The following SLC44A5 variants were observed in gnomAD, a reference collection of about 807,000 sequenced individuals.
SLC44A5 encodes solute carrier family 44 member 5, also known as choline transporter-like protein 5.
Under a neutral mutation model 101.8 loss-of-function variants are expected in SLC44A5, and 57 were observed. That is an observed-to-expected ratio of 0.56 (90% CI 0.45 to 0.70). SLC44A5 has a LOEUF of 0.70. Ranked by LOEUF, SLC44A5 falls within the 30% of genes least tolerant of loss-of-function variation. The probability of loss-of-function intolerance (pLI) is 0.00; values close to 1 mark genes in which losing one functional copy is unlikely to be tolerated. For synonymous variants in SLC44A5, 281 were observed against 290.9 expected (o/e 0.97, Z 0.35); for missense variants, 737 against 853.1 (o/e 0.86, Z 1.70).
chr1:75,642,785 T>C, the SLC44A5 span, among the ~76,000 whole-genome samples: 1 of 152,122 alleles, frequency 6.6e-6, no homozygotes, highest in Non-Finnish European at 1.5e-5. Context: ...TAAGTAGTTA[T>C]CAGTTTGGAA....
At chr1:75,283,102 T>C (rs948861992) in intron 5 of SLC44A5, among the ~76,000 whole-genome samples, 3 of 152,170 alleles carry the variant, frequency 2.0e-5, no homozygotes, top group Non-Finnish European at 4.4e-5. Flanking sequence ...ATAGTGGTAG[T>C]ACTAGTTTAC....
chr1:75,457,594 A>T (rs1354234176), intron 2 of SLC44A5, among the ~76,000 whole-genome samples: 1 of 152,168 alleles, frequency 6.6e-6, no homozygotes, highest in Non-Finnish European at 1.5e-5. Context: ...GCAGTGGCTC[A>T]CTCTTGTAAT....
the SLC44A5 span, chr1:75,677,701 A>G: frequency 9.4e-6 from 4 of 425,246 alleles, no homozygotes; most frequent in Admixed American, 2.9e-5. Context: ...TGCATAAAAA[A>G]AACAAGACCC....
the SLC44A5 span, among the ~76,000 whole-genome samples, chr1:75,666,719 C>A: frequency 1.3e-5 from 2 of 152,146 alleles, no homozygotes; most frequent in Non-Finnish European, 2.9e-5. Context: ...AATCCAGCAG[C>A]CCATCAAAAA....
At chr1:75,314,098 ACAGT>A (rs900176667) in intron 4 of SLC44A5, among the ~76,000 whole-genome samples, 1 of 152,188 alleles carries the variant, frequency 6.6e-6, no homozygotes, top group African/African-American at 2.4e-5. Flanking sequence ...AATAATCCTA[ACAGT>A]CAGATACACT....
chr1:75,214,068 C>A, intron 20 of SLC44A5, 79 bp from the exon 21 acceptor site: 1 of 912,674 alleles, frequency 1.1e-6, no homozygotes, highest in Non-Finnish European at 1.7e-6. Flanking sequence ...AGTAAATTTT[C>A]ATGAGTTTAT....
the SLC44A5 span, among the ~76,000 whole-genome samples, chr1:75,657,820 A>G: frequency 6.6e-6 from 1 of 152,098 alleles, no homozygotes; most frequent in African/African-American, 2.4e-5. Context: ...GCAATACAAC[A>G]ATAGTAAAGG....
the SLC44A5 span, chr1:75,641,405 A>G: frequency 3.9e-6 from 4 of 1,023,874 alleles, no homozygotes; most frequent in Admixed American, 6.9e-5. Context: ...TGATTTTTGT[A>G]CATTGCTTTG....
intron 3 of SLC44A5, among the ~76,000 whole-genome samples, chr1:75,387,023 C>A (rs1391939631): frequency 1.3e-5 from 2 of 151,822 alleles, no homozygotes; most frequent in South Asian, 4.1e-4. Flanking sequence ...AAAGCTGAAA[C>A]TGGATCCCTT....
the SLC44A5 span, among the ~76,000 whole-genome samples, chr1:75,682,226 C>T: frequency 2.0e-5 from 3 of 152,106 alleles, no homozygotes; most frequent in Non-Finnish European, 4.4e-5. Context: ...GCTACGAATG[C>T]CTTTCTTCAC....
intron 3 of SLC44A5, among the ~76,000 whole-genome samples, chr1:75,342,879 C>T (rs1657987008): frequency 6.6e-6 from 1 of 152,102 alleles, no homozygotes; most frequent in African/African-American, 2.4e-5. Context: ...CAAAACCAGT[C>T]AGATGATAAG....
intron 3 of SLC44A5, among the ~76,000 whole-genome samples, chr1:75,359,290 G>A (rs1356785952): frequency 1.4e-5 from 2 of 143,994 alleles, no homozygotes; most frequent in African/African-American, 5.2e-5. Flanking sequence ...GCTGGAGTAC[G>A]GTGGCGTGAT....
At chr1:75,451,111 A>T (rs1665883802) in intron 2 of SLC44A5, among the ~76,000 whole-genome samples, 1 of 152,064 alleles carries the variant, frequency 6.6e-6, no homozygotes, top group Admixed American at 6.6e-5. Context: ...TACCCACTGG[A>T]TTCTCCCTTG....
intron 2 of SLC44A5, among the ~76,000 whole-genome samples, chr1:75,423,056 A>G (rs531297508): frequency 6.6e-6 from 1 of 152,318 alleles, no homozygotes; most frequent in Non-Finnish European, 1.5e-5. Context: ...TTGACATTAA[A>G]TCCTGATTCA....
intron 1 of SLC44A5, among the ~76,000 whole-genome samples, chr1:75,585,989 G>T (rs542469304): frequency 1.2e-4 from 19 of 152,220 alleles, no homozygotes; most frequent in African/African-American, 3.4e-4. Context: ...ATTTGTGATG[G>T]CTCATTTTAC....
chr1:75,530,677 C>T (rs1321151103), intron 2 of SLC44A5, among the ~76,000 whole-genome samples: 1 of 152,116 alleles, frequency 6.6e-6, no homozygotes, highest in Non-Finnish European at 1.5e-5. Context: ...TACTACCTCC[C>T]GACTTTACTT....
intron 6 of SLC44A5, among the ~76,000 whole-genome samples, chr1:75,265,670 T>G (rs1033330849): frequency 1.3e-5 from 2 of 152,144 alleles, no homozygotes; most frequent in Non-Finnish European, 2.9e-5. Context: ...AAATATCACA[T>G]GCACCCCATA....
intron 3 of SLC44A5, among the ~76,000 whole-genome samples, chr1:75,387,821 A>G (rs1340573042): frequency 2.6e-5 from 3 of 113,868 alleles, no homozygotes; most frequent in African/African-American, 1.1e-4. Flanking sequence ...CAAATGTCCA[A>G]CAATGATAGA....
At chr1:75,546,572 T>C (rs1671662986) in intron 1 of SLC44A5, among the ~76,000 whole-genome samples, 2 of 152,176 alleles carry the variant, frequency 1.3e-5, no homozygotes, top group Admixed American at 1.3e-4. Context: ...ATCGCATTTT[T>C]CTTTAATTTT....
Sources: allele counts gnomAD v4.1 joint callset (sites outside exome capture counted in the v4.1 genomes callset), GRCh38; gene constraint gnomAD v4.1.1; transcripts MANE v1.5; gene names NCBI Gene and HGNC (gene_info 2026-07-23, HGNC 2026-07-21).